The following L3MBTL4 variants were observed in gnomAD, a reference collection of about 807,000 sequenced individuals.
L3MBTL4 encodes L3MBTL histone methyl-lysine binding protein 4.
In L3MBTL4, 70 loss-of-function variants were observed where a neutral mutation model predicts 84.5. The ratio of observed to expected loss-of-function variants is 0.83; its 90% CI spans 0.68 to 1.01. L3MBTL4 has a LOEUF of 1.01. Among genes scored for constraint, L3MBTL4 ranks in the 50% least tolerant of loss-of-function variants. The pLI, the probability that L3MBTL4 is intolerant of heterozygous loss-of-function variation, is 0.00. For missense variants in L3MBTL4, 715 were observed against 754.8 expected (o/e 0.95, Z 0.62); for synonymous variants, 274 against 259.8 (o/e 1.05, Z -0.52).
intron 10 of L3MBTL4, among the ~76,000 whole-genome samples, chr18:6,236,234 G>A (rs1599275888): frequency 6.6e-6 from 1 of 152,124 alleles, no homozygotes; most frequent in African/African-American, 2.4e-5. Context: ...GGTATAAATT[G>A]GACATACGAA....
intron 5 of L3MBTL4, among the ~76,000 whole-genome samples, chr18:6,247,312 T>C (rs981042801): frequency 6.6e-6 from 1 of 151,938 alleles, no homozygotes; most frequent in Non-Finnish European, 1.5e-5. Flanking sequence ...CTCACCCCCA[T>C]ACACCGCCTG....
At chr18:6,224,551 T>G (rs2046695532) in intron 10 of L3MBTL4, among the ~76,000 whole-genome samples, 1 of 152,156 alleles carries the variant, frequency 6.6e-6, no homozygotes, top group Non-Finnish European at 1.5e-5. Context: ...TGTGGAAATC[T>G]TAGGCGCTAA....
intron 13 of L3MBTL4, among the ~76,000 whole-genome samples, chr18:6,155,644 A>G (rs1055070303): frequency 3.9e-5 from 6 of 152,222 alleles, no homozygotes; most frequent in Non-Finnish European, 8.8e-5. Context: ...CTCTGATTTG[A>G]AATGAATACC....
chr18:6,211,252 A>G (rs1803686425), intron 12 of L3MBTL4, among the ~76,000 whole-genome samples: 1 of 152,196 alleles, frequency 6.6e-6, no homozygotes, highest in South Asian at 2.1e-4. Context: ...TGACCAACAC[A>G]ATTATTTCTA....
intron 12 of L3MBTL4, among the ~76,000 whole-genome samples, chr18:6,187,743 G>A (rs975980234): frequency 6.6e-6 from 1 of 152,038 alleles, no homozygotes; most frequent in South Asian, 2.1e-4. Flanking sequence ...AAGCAATGGA[G>A]GAGAATGAAT....
At chr18:6,076,134 C>T (rs1178182748) in intron 16 of L3MBTL4, among the ~76,000 whole-genome samples, 1 of 152,188 alleles carries the variant, frequency 6.6e-6, no homozygotes, top group Non-Finnish European at 1.5e-5. Context: ...AAATTCCACT[C>T]ATAGATATTT....
chr18:6,068,212 G>C (rs778502056), intron 16 of L3MBTL4, among the ~76,000 whole-genome samples: 1 of 152,092 alleles, frequency 6.6e-6, no homozygotes, highest in Non-Finnish European at 1.5e-5. Flanking sequence ...TTCTCCCATG[G>C]TGTACACCTT....
At chr18:6,362,115 A>C (rs2053720850) in intron 1 of L3MBTL4, among the ~76,000 whole-genome samples, 2 of 133,302 alleles carry the variant, frequency 1.5e-5, no homozygotes, top group Non-Finnish European at 3.1e-5. Flanking sequence ...TCAAAAAAAG[A>C]AGAAAAGAAA....
intron 16 of L3MBTL4, among the ~76,000 whole-genome samples, chr18:5,999,422 C>G (rs371391082): frequency 6.6e-6 from 1 of 152,158 alleles, no homozygotes; most frequent in African/African-American, 2.4e-5. Context: ...ATGCCCCCAC[C>G]AAGGAAGGGC....
chr18:6,270,559 AAGG>A (rs1297330075), intron 4 of L3MBTL4, among the ~76,000 whole-genome samples: 1 of 152,206 alleles, frequency 6.6e-6, no homozygotes, highest in Admixed American at 6.5e-5. Context: ...AATCAAAATG[AAGG>A]AGGATTTACT....
chr18:6,273,616 C>T (rs936295223), intron 4 of L3MBTL4, among the ~76,000 whole-genome samples: 4 of 152,182 alleles, frequency 2.6e-5, no homozygotes, highest in Non-Finnish European at 4.4e-5. Context: ...GTTACATTTG[C>T]GGACAGCTGG....
At chr18:5,978,972 G>A (rs543342872) in intron 16 of L3MBTL4, among the ~76,000 whole-genome samples, 1 of 152,198 alleles carries the variant, frequency 6.6e-6, no homozygotes, top group African/African-American at 2.4e-5. Flanking sequence ...CCTCTGGGAG[G>A]GCAGACACCA....
intron 12 of L3MBTL4, among the ~76,000 whole-genome samples, chr18:6,173,717 C>T (rs940572184): frequency 6.6e-6 from 1 of 152,046 alleles, no homozygotes. Context: ...GAGGTTGAGG[C>T]TGCAGTGAAC....
chr18:6,029,825 G>A, intron 16 of L3MBTL4: 1 of 985,408 alleles, frequency 1.0e-6, no homozygotes, highest in Non-Finnish European at 1.2e-6. Flanking sequence ...AGTAAGGGTA[G>A]CTGAGGAAAT....
chr18:6,392,223 A>G (rs1207699247), intron 1 of L3MBTL4, among the ~76,000 whole-genome samples: 1 of 152,222 alleles, frequency 6.6e-6, no homozygotes, highest in African/African-American at 2.4e-5. Context: ...AGCATACAGC[A>G]ACATAAATTG....
At chr18:6,023,123 C>T (rs568177157) in intron 16 of L3MBTL4, among the ~76,000 whole-genome samples, 2 of 152,288 alleles carry the variant, frequency 1.3e-5, no homozygotes, top group East Asian at 3.9e-4. Context: ...GCTCCCTGGG[C>T]GCTGTTTCCT....
intron 14 of L3MBTL4, among the ~76,000 whole-genome samples, chr18:6,110,668 T>A (rs909994454): frequency 3.3e-5 from 5 of 151,556 alleles, no homozygotes; most frequent in African/African-American, 7.3e-5. Flanking sequence ...TTGCAGGTGG[T>A]TGTACATGTG....
Position 6,082,289 on chromosome 18 carries a change from G to GT in L3MBTL4, c.1374-1339dup, listed in dbSNP as rs549623328. The stretch of plus-strand genomic sequence containing the variant: ...ATAATTTTAATTATATTCAACATAT[G>GT]TATCATCAGGATTTGTTTACATTCT... On this transcript the variant is annotated intron_variant, in intron 15 of 18. Coordinates refer to ENST00000317931, the MANE Select transcript of L3MBTL4 (RefSeq NM_001330559.2). 24 of 152,086 alleles carry GT rather than the reference G, an allele frequency of 1.6e-4. No individual in the cohort carries two copies. The South Asian group carries it at 2.7e-3, about 17-fold the overall frequency. 9.4% of individuals were successfully genotyped at this position (152,086 alleles called of 1,614,324 possible).
At chr18:6,268,889 T>C (rs116780401) in intron 4 of L3MBTL4, among the ~76,000 whole-genome samples, 1,918 of 152,298 alleles carry the variant, frequency 0.013, 39 homozygotes, top group African/African-American at 0.043. Context: ...TTATTTACAA[T>C]ATTGAATATT....
Sources: gnomAD v4.1 joint callset for allele counts (sites outside exome capture counted in the v4.1 genomes callset) on GRCh38, gnomAD v4.1.1 for gene constraint, MANE v1.5 for transcripts, NCBI Gene and HGNC (gene_info 2026-07-23, HGNC 2026-07-21) for gene names.